Variants in LYAR observed in about 807,000 individuals in gnomAD.
LYAR encodes the protein cell growth-regulating nucleolar protein.
In LYAR, 37 loss-of-function variants were observed where a neutral mutation model predicts 45.2. The ratio of observed to expected loss-of-function variants is 0.82; its 90% CI spans 0.63 to 1.08. The LOEUF (loss-of-function observed/expected upper bound fraction) is 1.08, where lower values mean the gene tolerates loss of function less well. LYAR is among the 50% of genes least tolerant of loss of function. LYAR has a pLI of 0.00. For missense variants in LYAR, 493 were observed against 451.0 expected, an observed-to-expected ratio of 1.09 and a Z score of -0.84; for synonymous variants, 176 against 155.1, an observed-to-expected ratio of 1.14 and a Z score of -1.00.
chr4:4,268,445 G>GA, intron 9 of LYAR, 85 bp downstream of exon 9: 1 of 950,882 alleles, frequency 1.1e-6, no homozygotes. Flanking sequence ...TGTTTTAGGT[G>GA]AAAAAAGAAA....
At position 4,268,564 on chromosome 4, in the gene LYAR, T is replaced by C. The variant is rs538935431; in HGVS notation, c.971A>G (p.Asp324Gly). 2 of 1,612,816 alleles carry C rather than the reference T, an allele frequency of 1.2e-6. No homozygotes were observed. The highest frequency in any genetic ancestry group is 1.1e-5 in the South Asian group (1 of 90,846). Residue 324 changes from aspartate to glycine, a missense_variant, in exon 9 of 10, where the codon GAC becomes GGC. Asp to Gly is a moderately conservative substitution (Grantham distance 94, BLOSUM62 -1). Transcript: ENST00000343470. The part of the protein sequence containing the change: ...TIKAILKQAP[D>G]NEITIKKLRK... ...TAGCTTTTTGATGGTTATTTCATTG[T>C]CTGGGGCCTGTTTCAGAATTGCTTT...
chr4:4,281,654 G>T, intron 4 of LYAR, 129 bp downstream of exon 4: 1 of 702,266 alleles, frequency 1.4e-6, no homozygotes. Context: ...AGTTCAACCT[G>T]TCTATCCTAG....
At chr4:4,281,549 G>C (rs1419415656) in intron 4 of LYAR, among the ~76,000 whole-genome samples, 18 of 152,168 alleles carry the variant, frequency 1.2e-4, no homozygotes, top group Admixed American at 1.1e-3. Context: ...TTGAACTCCT[G>C]ACCTCGTGAC....
chr4:4,285,716 C>G (rs1282071698), intron 2 of LYAR, among the ~76,000 whole-genome samples: 1 of 152,190 alleles, frequency 6.6e-6, no homozygotes, highest in South Asian at 2.1e-4. Context: ...TTAGAGCTTG[C>G]CAACCTCTGT....
At position 4,269,581 on chromosome 4, in the gene LYAR, T is replaced by C. The variant is rs538152156; in HGVS notation, c.920-966A>G. On this transcript the variant is annotated intron_variant, in intron 8 of 9. Coordinates refer to ENST00000343470, the MANE Select transcript of LYAR (RefSeq NM_017816.3). ...GCCCGGCAGGAGCAAGAAGTGGCCA[T>C]CCTCAGGTGTGGATGGAGGCTGAGT... is the stretch of plus-strand genomic sequence containing the variant. Among the ~76,000 whole-genome samples, 344 of 152,234 alleles carry C rather than the reference T, an allele frequency of 2.3e-3. 2 individuals carry two copies. The highest frequency in any genetic ancestry group is 4.2e-3 in the Non-Finnish European group (285 of 68,000).
chr4:4,286,646 CTTTT>C (rs11364697), intron 1 of LYAR, 74 bp from the exon 2 acceptor site: 6 of 128,590 alleles, frequency 4.7e-5, no homozygotes, highest in Non-Finnish European at 6.4e-5. Flanking sequence ...TTTAATTAAA[CTTTT>C]TTTTTTTTTT....
intron 4 of LYAR, among the ~76,000 whole-genome samples, chr4:4,280,966 C>A (rs1160642227): frequency 1.3e-5 from 2 of 152,208 alleles, no homozygotes; most frequent in Non-Finnish European, 2.9e-5. Flanking sequence ...TGTAAATGAT[C>A]AGTAGCATTC....
At chr4:4,281,248 A>C (rs1439882665) in intron 4 of LYAR, among the ~76,000 whole-genome samples, 1 of 152,012 alleles carries the variant, frequency 6.6e-6, no homozygotes, top group East Asian at 1.9e-4. Context: ...TTTTTTTTCA[A>C]GAAATTAACA....
chr4:4,271,602 T>C (rs115646573), intron 8 of LYAR, among the ~76,000 whole-genome samples: 4,292 of 152,318 alleles, frequency 0.028, 208 homozygotes, highest in African/African-American at 0.097. Context: ...CGGTTCTCCA[T>C]AGTGGTTGTA....
intron 6 of LYAR, among the ~76,000 whole-genome samples, chr4:4,275,987 C>T (rs533114570): frequency 2.6e-5 from 4 of 152,316 alleles, no homozygotes; most frequent in South Asian, 2.1e-4. Flanking sequence ...TGTGCCACAG[C>T]GCCAGGCCTT....
intron 3 of LYAR, among the ~76,000 whole-genome samples, chr4:4,282,667 C>T (rs1475337695): frequency 6.6e-6 from 1 of 152,210 alleles, no homozygotes; most frequent in African/African-American, 2.4e-5. Flanking sequence ...GGGGAATCAA[C>T]ATGAAATTCA....
chr4:4,273,107 G>A (rs1177681007), intron 8 of LYAR, among the ~76,000 whole-genome samples: 1 of 152,190 alleles, frequency 6.6e-6, no homozygotes, highest in Non-Finnish European at 1.5e-5. Context: ...TGAAAGGCAG[G>A]GGCAAGAGAG....
intron 4 of LYAR, among the ~76,000 whole-genome samples, chr4:4,280,577 G>A (rs984294633): frequency 5.3e-5 from 8 of 152,158 alleles, no homozygotes; most frequent in African/African-American, 1.7e-4. Context: ...TGCTTCAGAG[G>A]ATTTCATCGA....
chr4:4,275,428 T>C (rs904635324), intron 6 of LYAR, among the ~76,000 whole-genome samples: 1 of 126,468 alleles, frequency 7.9e-6, no homozygotes, highest in Non-Finnish European at 1.6e-5. Context: ...ATGGTCACCA[T>C]TCTCATCATT....
At chr4:4,289,881 C>T (rs1577223299) in intron 1 of LYAR, 155 bp downstream of exon 1, 1 of 152,282 alleles carries the variant, frequency 6.6e-6, no homozygotes, top group East Asian at 1.9e-4. Context: ...AAGTCCAGGA[C>T]TCCTGCCACT....
At chr4:4,284,676 A>T (rs1719536506) in intron 2 of LYAR, among the ~76,000 whole-genome samples, 1 of 151,568 alleles carries the variant, frequency 6.6e-6, no homozygotes, top group Non-Finnish European at 1.5e-5. Context: ...GGAAAACACA[A>T]ATTCGTCTAG....
rs1341948642 is a variant in LYAR, at chr4:4,279,688, T to C, written c.299A>G (p.Gln100Arg). 6.2e-7 allele frequency: 1 copy of C among 1,614,016 alleles called. No individual in the cohort carries two copies. Among genetic ancestry groups the C allele is most frequent in the African/African-American group, 1.3e-5 (1 of 74,940 alleles). Residue 100 changes from glutamine to arginine, a missense_variant, in exon 5 of 10, where the codon CAA becomes CGA. Coordinates refer to ENST00000343470, the MANE Select transcript of LYAR (RefSeq NM_017816.3). ...VSPKVRELLE[Q>R]ISAFDNVPRK... ...GGGAACGTTGTCAAAAGCACTAATT[T>C]GCTCTAAAAGTTCTCTCACTTTGGG...
chr4:4,287,416 C>T (rs767665865), intron 1 of LYAR, among the ~76,000 whole-genome samples: 34 of 152,198 alleles, frequency 2.2e-4, no homozygotes, highest in Non-Finnish European at 4.1e-4. Context: ...CTCCTGGCTG[C>T]GTCTTCGTCT....
At chr4:4,268,478 G>A (rs1718798487) in intron 9 of LYAR, 52 bp downstream of exon 9, 1 of 1,160,910 alleles carries the variant, frequency 8.6e-7, no homozygotes, top group Admixed American at 2.1e-5. Flanking sequence ...TGTACATTTA[G>A]AAATAAGTTC....
Sources: allele counts gnomAD v4.1 joint callset (sites outside exome capture counted in the v4.1 genomes callset), GRCh38; gene constraint gnomAD v4.1.1; transcripts MANE v1.5; gene names NCBI Gene and HGNC (gene_info 2026-07-23, HGNC 2026-07-21).